Variants in PYROXD1 observed in about 807,000 individuals in gnomAD.
The protein encoded by PYROXD1 is pyridine nucleotide-disulphide oxidoreductase domain 1.
Under a neutral mutation model 62.0 loss-of-function variants are expected in PYROXD1, and 42 were observed. That is an observed-to-expected ratio of 0.68 (90% CI 0.53 to 0.88). The LOEUF (loss-of-function observed/expected upper bound fraction) is 0.88, where lower values mean the gene tolerates loss of function less well. PYROXD1 is among the 40% of genes least tolerant of loss of function. The pLI, the probability that PYROXD1 is intolerant of heterozygous loss-of-function variation, is 0.00. For synonymous variants in PYROXD1, 170 were observed against 206.4 expected (o/e 0.82, Z 1.51); for missense variants, 493 against 604.8 (o/e 0.82, Z 1.94).
chr12:21,440,384 C>T lies in PYROXD1; in HGVS notation c.101C>T (p.Pro34Leu), dbSNP rs1055730893. 2.2e-5 allele frequency: 35 copies of T among 1,592,906 alleles called. No individual in the cohort carries two copies. Among genetic ancestry groups the T allele is most frequent in the Non-Finnish European group, 2.9e-5 (34 of 1,169,360 alleles). Residue 34 changes from proline (P) to leucine (L), a missense_variant, in exon 2 of 12, where the codon CCA becomes CTA. Pro to Leu is a moderately conservative substitution (Grantham distance 98, BLOSUM62 -3). Around this residue, in one of 2 missense-constraint regions of PYROXD1, gnomAD observed 164 missense variants for 158.2 expected, o/e 1.04. Coordinates refer to ENST00000240651, the MANE Select transcript of PYROXD1 (RefSeq NM_024854.5). Reference protein sequence around the residue: ...TCAEQLATHFPSEDILLVTAS... With the variant: ...TCAEQLATHFLSEDILLVTAS... ...AAAAATAAGTTGGCTACTCACTTTC[C>T]ATCGGAAGATATTCTCTTGGTAACA...
chr12:21,448,050 T>TAC (rs1460127128), intron 3 of PYROXD1: 1 of 525,780 alleles, frequency 1.9e-6, no homozygotes, highest in Non-Finnish European at 3.6e-6. Context: ...ATTGACCTCA[T>TAC]TGGTTTCATT....
In PYROXD1 at chr12:21,462,793, C is replaced by T. The variant is rs569874670; in HGVS notation, c.1047C>T (p.Ser349=). ...AAGTGGATGATCATATGCACACATC[C>T]CTTCCTGATATCTATGCTGCCGGTG... ...GLKVDDHMHT[S]LPDIYAAGDI... The change falls in exon 10 of 12, where the codon TCC becomes TCT. Residue 349 remains serine, a synonymous_variant. Coordinates refer to ENST00000240651, the MANE Select transcript of PYROXD1 (RefSeq NM_024854.5). The T allele has an allele frequency of 3.0e-5, 49 of 1,613,928 alleles. No homozygotes were observed. In the East Asian group the frequency reaches 9.1e-4, roughly 30 times the overall value.
intron 2 of PYROXD1, among the ~76,000 whole-genome samples, chr12:21,442,177 G>A (rs1412275399): frequency 2.0e-5 from 3 of 152,228 alleles, no homozygotes; most frequent in African/African-American, 7.2e-5. Flanking sequence ...AGTGGCAGCA[G>A]CGCTGGTGTC....
At chr12:21,464,289 G>A (rs1280193836) in intron 10 of PYROXD1, among the ~76,000 whole-genome samples, 4 of 151,998 alleles carry the variant, frequency 2.6e-5, no homozygotes, top group African/African-American at 4.8e-5. Context: ...CAAGCAATAA[G>A]GATACTAATT....
intron 5 of PYROXD1, among the ~76,000 whole-genome samples, chr12:21,453,877 A>G (rs950455729): frequency 6.6e-6 from 1 of 152,076 alleles, no homozygotes; most frequent in Admixed American, 6.6e-5. Context: ...TCAAAAAGAA[A>G]GCATTACATG....
chr12:21,462,057 C>T lies in PYROXD1; in HGVS notation c.930C>T (p.Cys310=), dbSNP rs977927618. 6.8e-6 allele frequency: 11 copies of T among 1,612,194 alleles called. No homozygotes were observed. The Admixed American group carries it at 8.3e-5, about 12-fold the overall frequency. The part of the protein sequence containing the change: ...VELTNEKIYG[C]DFIVSATGVT... ...TGACCAATGAAAAGATATATGGCTG[C>T]GATTTCATTGTCAGTGCTACAGGAG... The change falls in exon 9 of 12, where the codon TGC becomes TGT. Residue 310 remains cysteine (C), a synonymous_variant. Transcript: ENST00000240651.
In PYROXD1 at chr12:21,470,360, A is replaced by G. The variant is rs1942912941; in HGVS notation, c.*1606A>G. 1 of 1,539,538 alleles carries G rather than the reference A, an allele frequency of 6.5e-7. No individual in the cohort carries two copies. The highest frequency in any genetic ancestry group is 2.3e-5 in the East Asian group (1 of 43,212). ...AGACGATTCAGCCTACAAAAAAAAAAAAAAAACAAAGCAAGCACCTTGGTA... is the reference window on the plus strand; with the variant it reads ...AGACGATTCAGCCTACAAAAAAAAAGAAAAAACAAAGCAAGCACCTTGGTA... On this transcript the variant is annotated 3_prime_UTR_variant, in exon 12 of 12. Coordinates refer to ENST00000240651, the MANE Select transcript of PYROXD1 (RefSeq NM_024854.5).
intron 10 of PYROXD1, among the ~76,000 whole-genome samples, chr12:21,464,154 A>G (rs1942748923): frequency 6.7e-6 from 1 of 148,620 alleles, no homozygotes; most frequent in Non-Finnish European, 1.5e-5. Context: ...TTTTTTTAAC[A>G]TTTTTAATTC....
rs879470124 is a variant in PYROXD1, at chr12:21,463,459, G to A, written c.1116+597G>A. Among the ~76,000 whole-genome samples the A allele has an allele frequency of 2.0e-5, 3 of 152,066 alleles. No individual in the cohort carries two copies. In the South Asian group the frequency reaches 6.2e-4, roughly 31 times the overall value. On this transcript the variant is annotated intron_variant, in intron 10 of 11. Coordinates refer to ENST00000240651, the MANE Select transcript of PYROXD1 (RefSeq NM_024854.5). ...ATCCCAGCACTTTGGGAGGGTGAGA[G>A]GCAGGTGTATCATCTGAAGTTAGGA...
chr12:21,439,959 A>G (rs7309377), intron 1 of PYROXD1, among the ~76,000 whole-genome samples: 17,033 of 152,246 alleles, frequency 0.11, 1,072 homozygotes, highest in East Asian at 0.31. Context: ...GGTTTGCTTT[A>G]ATTTCATCCC....
intron 3 of PYROXD1, chr12:21,447,782 C>A (rs1328380074): frequency 1.2e-5 from 2 of 163,110 alleles, no homozygotes; most frequent in Non-Finnish European, 2.8e-5. Flanking sequence ...GTCAGGAGGT[C>A]GAGACCGTCC....
At chr12:21,460,434 T>G (rs1942674910) in intron 7 of PYROXD1, among the ~76,000 whole-genome samples, 1 of 118,618 alleles carries the variant, frequency 8.4e-6, no homozygotes, top group Admixed American at 8.8e-5. Context: ...TATTTATTTA[T>G]TTTTTTTGAG....
chr12:21,468,028 T>TC (rs778907147), intron 11 of PYROXD1, among the ~76,000 whole-genome samples: 13 of 151,336 alleles, frequency 8.6e-5, no homozygotes, highest in South Asian at 2.1e-4. Flanking sequence ...TTTTTTTTTT[T>TC]CCCTAATTTA....
chr12:21,456,303 G>A (rs1942595815), intron 7 of PYROXD1, among the ~76,000 whole-genome samples: 1 of 152,102 alleles, frequency 6.6e-6, no homozygotes, highest in Non-Finnish European at 1.5e-5. Context: ...CTGGATCTCA[G>A]CCTACGTTTT....
intron 9 of PYROXD1, among the ~76,000 whole-genome samples, chr12:21,462,510 G>A (rs1279240692): frequency 6.6e-6 from 1 of 151,912 alleles, no homozygotes; most frequent in Non-Finnish European, 1.5e-5. Flanking sequence ...TAGTCACATG[G>A]TTATTGGATA....
intron 2 of PYROXD1, among the ~76,000 whole-genome samples, chr12:21,440,724 A>G (rs1309369448): frequency 1.3e-5 from 2 of 152,104 alleles, no homozygotes; most frequent in Non-Finnish European, 2.9e-5. Flanking sequence ...AAGTTGTGAG[A>G]GTGGGCATCC....
Position 21,437,834 on chromosome 12 carries a change from G to C in PYROXD1, c.84+20G>C. 1 of 1,605,652 alleles carries C rather than the reference G, an allele frequency of 6.2e-7. No homozygotes were observed. The highest frequency in any genetic ancestry group is 8.5e-7 in the Non-Finnish European group (1 of 1,175,906). ...GAGCAGGTAGGGCGGTGCTCAGGCG[G>C]TTCCGCCTCTTTCCCCGACCCCAAA... On this transcript the variant is annotated intron_variant, in intron 1 of 11. Transcript: ENST00000240651.
At chr12:21,455,945 CAT>C (rs772248140) in intron 6 of PYROXD1, 48 bp from the exon 7 acceptor site, 7 of 1,216,288 alleles carry the variant, frequency 5.8e-6, no homozygotes, top group South Asian at 2.6e-5. Flanking sequence ...AGAACACTAA[CAT>C]ATTTCTCTAT....
intron 1 of PYROXD1, among the ~76,000 whole-genome samples, chr12:21,439,603 A>AT (rs1942256996): frequency 6.6e-6 from 1 of 152,098 alleles, no homozygotes; most frequent in African/African-American, 2.4e-5. Context: ...TCCCATCTCC[A>AT]TTAAAAAAAA....
Sources: gnomAD v4.1 joint callset for allele counts (sites outside exome capture counted in the v4.1 genomes callset) on GRCh38, gnomAD v4.1.1 for gene constraint, gnomAD v4.1.1 regional missense constraint, MANE v1.5 for transcripts, NCBI Gene and HGNC (gene_info 2026-07-23, HGNC 2026-07-21) for gene names.